The following RIMS1 variants were observed in gnomAD, a reference collection of about 807,000 sequenced individuals.
The protein encoded by RIMS1 is regulating synaptic membrane exocytosis 1, also known as regulating synaptic membrane exocytosis protein 1.
Under a neutral mutation model 214.1 loss-of-function variants are expected in RIMS1, and 83 were observed. The observed-to-expected ratio is 0.39, with a 90% confidence interval of 0.32 to 0.47. The LOEUF (loss-of-function observed/expected upper bound fraction) is 0.47, where lower values mean the gene tolerates loss of function less well. Ranked by LOEUF, RIMS1 falls within the 20% of genes least tolerant of loss-of-function variation. The pLI, the probability that RIMS1 is intolerant of heterozygous loss-of-function variation, is 0.99. For synonymous variants in RIMS1, 793 were observed against 786.8 expected (o/e 1.01, Z -0.13); for missense variants, 2,050 against 2,161.8 (o/e 0.95, Z 1.03).
intron 1 of RIMS1, among the ~76,000 whole-genome samples, chr6:71,964,562 A>T (rs9358988): frequency 0.45 from 69,111 of 151,956 alleles, 16,397 homozygotes; most frequent in Middle Eastern, 0.55. Context: ...CCAGTCTGGT[A>T]TTAGGACACA....
At position 72,265,459 on chromosome 6, in the gene RIMS1, CT is replaced by C; in HGVS notation, c.3267del (p.Phe1089LeufsTer6). The C allele has an allele frequency of 3.1e-6, 5 of 1,608,546 alleles. No individual in the cohort carries two copies. The highest frequency in any genetic ancestry group is 4.3e-6 in the Non-Finnish European group (5 of 1,175,760). Reference protein sequence around the residue: ...RQDISLHHECFNSTVLRFTDE... With the variant: ...RQDISLHHECXNSTVLRFTDE... ...AGGACATTTCCCTTCATCATGAATGCTTTAACTCAACAGTATTGAGATTTAC... is the reference window on the plus strand; with the variant it reads ...AGGACATTTCCCTTCATCATGAATGCTTAACTCAACAGTATTGAGATTTAC... On this transcript the variant is annotated frameshift_variant, in exon 21 of 34. Transcript: ENST00000521978. LOFTEE classifies it high-confidence loss of function.
intron 29 of RIMS1, among the ~76,000 whole-genome samples, chr6:72,344,115 G>A (rs1342151179): frequency 6.6e-6 from 1 of 151,668 alleles, no homozygotes; most frequent in African/African-American, 2.4e-5. Context: ...ATTTTTTCCA[G>A]TTTTATTACC....
intron 1 of RIMS1, among the ~76,000 whole-genome samples, chr6:71,932,636 A>G (rs1783387085): frequency 6.6e-6 from 1 of 152,092 alleles, no homozygotes; most frequent in African/African-American, 2.4e-5. Context: ...ATAAAAAGTA[A>G]TAATAATAAA....
At chr6:72,267,037 A>G (rs2154177474) in intron 22 of RIMS1, among the ~76,000 whole-genome samples, 2 of 152,226 alleles carry the variant, frequency 1.3e-5, no homozygotes, top group Middle Eastern at 3.4e-3. Flanking sequence ...ACGTGTGTAT[A>G]TACCTTGTTT....
intron 1 of RIMS1, among the ~76,000 whole-genome samples, chr6:71,922,760 G>A (rs1780404843): frequency 6.6e-6 from 1 of 152,224 alleles, no homozygotes; most frequent in South Asian, 2.1e-4. Flanking sequence ...TTTAGGTTAT[G>A]TGTTAGCAGA....
In RIMS1 at chr6:72,266,062, G is replaced by T; in HGVS notation, c.3398+13G>T. 6.5e-7 allele frequency: 1 copy of T among 1,537,332 alleles called. No individual in the cohort carries two copies. On this transcript the variant is annotated intron_variant, in intron 22 of 33. Transcript: ENST00000521978. ...CAGAACGAGAAAGGTATAAAATAAA[G>T]ACTTTCTTAATTTCTTATCATTTGT...
At chr6:72,347,869 A>T (rs144505865) in intron 29 of RIMS1, among the ~76,000 whole-genome samples, 4 of 152,036 alleles carry the variant, frequency 2.6e-5, no homozygotes, top group Non-Finnish European at 5.9e-5. Flanking sequence ...GGGAGTTCTC[A>T]TGTGGTGCTG....
At position 71,925,484 on chromosome 6, in the gene RIMS1, G is replaced by A. The variant is rs140452273; in HGVS notation, c.164+38297G>A. On this transcript the variant is annotated intron_variant, in intron 1 of 33. Coordinates refer to ENST00000521978, the MANE Select transcript of RIMS1 (RefSeq NM_014989.7). ...GGTAAGGCTGATGGGAAAAATGATT[G>A]CTAAAGAGCAGGTAATTAGGTATAA... is the stretch of plus-strand genomic sequence containing the variant. 5.9e-4 allele frequency among the ~76,000 whole-genome samples: 90 copies of A among 152,312 alleles called. 1 individual carries two copies. Among genetic ancestry groups the A allele is most frequent in the Middle Eastern group, 6.8e-3 (2 of 294 alleles).
At chr6:72,093,454 T>A (rs1238377410) in intron 2 of RIMS1, among the ~76,000 whole-genome samples, 2 of 151,796 alleles carry the variant, frequency 1.3e-5, no homozygotes, top group Admixed American at 6.6e-5. Context: ...CCAGTTTTTG[T>A]TTTTTTGCTT....
chr6:72,058,835 A>G (rs1827074236), intron 2 of RIMS1, among the ~76,000 whole-genome samples: 1 of 152,178 alleles, frequency 6.6e-6, no homozygotes, highest in African/African-American at 2.4e-5. Flanking sequence ...TAATTCACAG[A>G]AGCAGTGCAC....
intron 1 of RIMS1, among the ~76,000 whole-genome samples, chr6:71,911,974 C>T (rs1386202077): frequency 6.6e-6 from 1 of 152,110 alleles, no homozygotes; most frequent in South Asian, 2.1e-4. Flanking sequence ...ATGCTTTCCC[C>T]TCACCAATGT....
rs77136240 is a variant in RIMS1, at chr6:71,938,687, C to G, written c.165-30296C>G. On this transcript the variant is annotated intron_variant, in intron 1 of 33. Coordinates refer to ENST00000521978, the MANE Select transcript of RIMS1 (RefSeq NM_014989.7). Reference sequence around the variant, plus strand: ...ATGGTGGGTACGCTGGGCCCACCCCCTGAAACATTCCTGCCTTCCTACAGC... The same window carrying G: ...ATGGTGGGTACGCTGGGCCCACCCCGTGAAACATTCCTGCCTTCCTACAGC... 2.8e-3 allele frequency among the ~76,000 whole-genome samples: 425 copies of G among 152,254 alleles called. 3 individuals are homozygous for G. The highest frequency in any genetic ancestry group is 5.2e-3 in the Admixed American group (79 of 15,302).
intron 2 of RIMS1, among the ~76,000 whole-genome samples, chr6:72,037,012 A>G (rs1043793361): frequency 3.9e-5 from 6 of 152,194 alleles, no homozygotes; most frequent in African/African-American, 1.2e-4. Flanking sequence ...ATTTGTACAT[A>G]TTAAAATGAT....
At chr6:71,913,980 G>A (rs1025553035) in intron 1 of RIMS1, among the ~76,000 whole-genome samples, 3 of 152,118 alleles carry the variant, frequency 2.0e-5, no homozygotes, top group Non-Finnish European at 4.4e-5. Flanking sequence ...AGTCATTGGG[G>A]TGTGGTGGGG....
At chr6:72,106,258 C>A (rs1249955091) in intron 4 of RIMS1, among the ~76,000 whole-genome samples, 1 of 152,088 alleles carries the variant, frequency 6.6e-6, no homozygotes, top group African/African-American at 2.4e-5. Flanking sequence ...TTATGAACAT[C>A]TTTGTTATAA....
At chr6:72,222,913 G>A (rs2058972625) in intron 6 of RIMS1, among the ~76,000 whole-genome samples, 1 of 152,146 alleles carries the variant, frequency 6.6e-6, no homozygotes, top group African/African-American at 2.4e-5. Context: ...GCTACACACA[G>A]TATCACAGTG....
At chr6:72,183,565 G>A (rs962473268) in intron 6 of RIMS1, among the ~76,000 whole-genome samples, 1 of 70,502 alleles carries the variant, frequency 1.4e-5, no homozygotes, top group Non-Finnish European at 2.9e-5. Flanking sequence ...CAGTTGCAAA[G>A]GTAGTTTTTT....
Position 72,122,207 on chromosome 6 carries a change from CTTTTTTTT to C in RIMS1, c.471+22229_471+22236del, listed in dbSNP as rs34948011. Among the ~76,000 whole-genome samples the C allele has an allele frequency of 1.5e-5, 2 of 136,332 alleles. 1 individual carries two copies. The highest frequency in any genetic ancestry group is 3.1e-5 in the Non-Finnish European group (2 of 64,436). 89.4% of individuals were successfully genotyped at this position (136,332 alleles called of 152,430 possible). ...GGAGGATTCCCTCTTTTCCTTTTTT[CTTTTTTTT>C]TTTTTTTGAGATGGAGTCTCACTCT... is the stretch of plus-strand genomic sequence containing the variant. On this transcript the variant is annotated intron_variant, in intron 4 of 33. Transcript: ENST00000521978.
At chr6:72,220,262 C>G (rs2057940707) in intron 6 of RIMS1, among the ~76,000 whole-genome samples, 1 of 152,054 alleles carries the variant, frequency 6.6e-6, no homozygotes. Flanking sequence ...TTCCTTTAGT[C>G]CCTTTAACCA....
Sources: gnomAD v4.1 joint callset for allele counts (sites outside exome capture counted in the v4.1 genomes callset) on GRCh38, gnomAD v4.1.1 for gene constraint, MANE v1.5 for transcripts, NCBI Gene and HGNC (gene_info 2026-07-23, HGNC 2026-07-21) for gene names.